The following ITIH5 variants were observed in gnomAD, a reference collection of about 807,000 sequenced individuals.
The protein encoded by ITIH5 is inter-alpha-trypsin inhibitor heavy chain 5.
A neutral mutation model predicts 77.5 loss-of-function variants in ITIH5; 65 were observed. That is an observed-to-expected ratio of 0.84 (90% CI 0.69 to 1.03). The LOEUF (loss-of-function observed/expected upper bound fraction) is 1.03, where lower values mean the gene tolerates loss of function less well. ITIH5 is among the 50% of genes least tolerant of loss of function. ITIH5 has a pLI of 0.00. For missense variants in ITIH5, 1,208 were observed against 1,213.1 expected (o/e 1.00, Z 0.06); for synonymous variants, 525 against 494.3 (o/e 1.06, Z -0.82).
chr10:7,638,713 G>A (rs79055948), intron 4 of ITIH5, among the ~76,000 whole-genome samples: 3,271 of 152,258 alleles, frequency 0.021, 125 homozygotes, highest in African/African-American at 0.075. Context: ...AGCCAACCCA[G>A]AAGAATACGA....
At position 7,566,130 on chromosome 10, in the gene ITIH5, G is replaced by T; in HGVS notation, c.2427C>A (p.Leu809=). ...TIQGSIAFVI[L]IHLYKKPAPF... The stretch of plus-strand genomic sequence containing the variant: ...GCGCCGGCTTTTTGTAGAGGTGGAT[G>T]AGGATGACAAAGGCTATGGAGCCCT... Residue 809 remains leucine, a synonymous_variant, in exon 13 of 14, where the codon CTC becomes CTA. Transcript: ENST00000397146. The T allele has an allele frequency of 6.2e-7, 1 of 1,614,148 alleles. No homozygotes were observed. The highest frequency in any genetic ancestry group is 2.2e-5 in the East Asian group (1 of 44,878).
At chr10:7,648,243 CAA>C (rs5782993) in intron 2 of ITIH5, among the ~76,000 whole-genome samples, 100 of 135,678 alleles carry the variant, frequency 7.4e-4, no homozygotes, top group Middle Eastern at 3.9e-3. Flanking sequence ...GACTCTGTCT[CAA>C]AAAAAAAAAA....
chr10:7,636,427 C>T (rs1833799208), intron 5 of ITIH5, among the ~76,000 whole-genome samples: 2 of 152,018 alleles, frequency 1.3e-5, no homozygotes, highest in African/African-American at 4.8e-5. Flanking sequence ...AATCTCATAC[C>T]CCTGATACAA....
At chr10:7,607,304 A>G (rs1021001151) in intron 7 of ITIH5, among the ~76,000 whole-genome samples, 4 of 152,216 alleles carry the variant, frequency 2.6e-5, no homozygotes, top group African/African-American at 9.7e-5. Flanking sequence ...CTCTTGTCAC[A>G]AGGAGGACAG....
At chr10:7,656,905 C>T (rs936608397) in intron 1 of ITIH5, among the ~76,000 whole-genome samples, 3 of 151,408 alleles carry the variant, frequency 2.0e-5, no homozygotes, top group Admixed American at 6.6e-5. Flanking sequence ...CACTACGCCC[C>T]GCTAATTTTT....
chr10:7,637,412 G>GA lies in ITIH5; in HGVS notation c.467dup (p.Leu157ProfsTer4), dbSNP rs755331937. On this transcript the variant is annotated frameshift_variant, in exon 5 of 14. Coordinates refer to ENST00000397146, the MANE Select transcript of ITIH5 (RefSeq NM_030569.7). LOFTEE classifies it high-confidence loss of function. Reference sequence around the variant, plus strand: ...TCTGCAGAAGCTCCTCATAACTCAGGAAAAAGGCGGCTTTGTCCTTGCTGG... The same window carrying GA: ...TCTGCAGAAGCTCCTCATAACTCAGGAAAAAAGGCGGCTTTGTCCTTGCTGG... 6 of 1,613,892 alleles carry GA rather than the reference G, an allele frequency of 3.7e-6. No homozygotes were observed. The highest frequency in any genetic ancestry group is 5.1e-6 in the Non-Finnish European group (6 of 1,179,824).
At position 7,624,853 on chromosome 10, in the gene ITIH5, ATG is replaced by A. The variant is rs557840656; in HGVS notation, c.653-7573_653-7572del. Among the ~76,000 whole-genome samples the A allele has an allele frequency of 4.7e-4, 51 of 107,740 alleles. 1 individual carries two copies. Among genetic ancestry groups the A allele is most frequent in the East Asian group, 2.8e-3 (9 of 3,260 alleles). 70.7% of individuals were successfully genotyped at this position (107,740 alleles called of 152,430 possible). On this transcript the variant is annotated intron_variant, in intron 5 of 13. Transcript: ENST00000397146. ...TATATACATGTATATACACATATATATGTGTATATATGTATATATGTATGTAT... is the reference window on the plus strand; with the variant it reads ...TATATACATGTATATACACATATATATGTATATATGTATATATGTATGTAT...
At chr10:7,599,604 A>T (rs4749057) in intron 7 of ITIH5, among the ~76,000 whole-genome samples, 143,279 of 152,212 alleles carry the variant, frequency 0.94, 67,898 homozygotes, top group Non-Finnish European at 1. Context: ...CTCTCCCTTA[A>T]GTTCTCACGA....
chr10:7,637,235 G>A lies in ITIH5; in HGVS notation c.645C>T (p.Arg215=). The A allele has an allele frequency of 1.2e-6, 2 of 1,607,172 alleles. No individual in the cohort carries two copies. Among genetic ancestry groups the A allele is most frequent in the Admixed American group, 1.7e-5 (1 of 59,970 alleles). The change falls in exon 5 of 14, where the codon CGC becomes CGT. Residue 215 remains arginine (R), a synonymous_variant. Transcript: ENST00000397146. ...CCAGCACGCAGGACTCACCTTCCCCGCGCCCACTGCCCCTCTGCCTGCTGT... is the reference window on the plus strand; with the variant it reads ...CCAGCACGCAGGACTCACCTTCCCCACGCCCACTGCCCCTCTGCCTGCTGT... ...LHNSRQRGSG[R]GEDDSGPPPS...
chr10:7,565,029 CAT>C (rs1399534527), intron 13 of ITIH5, among the ~76,000 whole-genome samples: 3 of 143,970 alleles, frequency 2.1e-5, no homozygotes, highest in African/African-American at 7.7e-5. Flanking sequence ...TATATACATA[CAT>C]AGACTGTATA....
chr10:7,628,974 TG>T (rs111698050), intron 5 of ITIH5, among the ~76,000 whole-genome samples: 9 of 132,670 alleles, frequency 6.8e-5, no homozygotes, highest in African/African-American at 2.4e-4. Context: ...TGTTGTAGCA[TG>T]TGTCCGTGTT....
At chr10:7,627,438 C>T (rs533272302) in intron 5 of ITIH5, among the ~76,000 whole-genome samples, 7 of 152,010 alleles carry the variant, frequency 4.6e-5, no homozygotes, top group Admixed American at 4.6e-4. Flanking sequence ...CTTGACCTTG[C>T]GGGATGTGTG....
At chr10:7,626,211 G>C (rs1252007368) in intron 5 of ITIH5, among the ~76,000 whole-genome samples, 1 of 152,132 alleles carries the variant, frequency 6.6e-6, no homozygotes, top group African/African-American at 2.4e-5. Context: ...AAGGCAGCAG[G>C]AAAAAGGAAG....
intron 5 of ITIH5, among the ~76,000 whole-genome samples, chr10:7,628,231 C>T (rs1309051998): frequency 1.3e-5 from 2 of 152,222 alleles, no homozygotes; most frequent in Non-Finnish European, 2.9e-5. Context: ...TCCAAAACAT[C>T]TTCATCACCC....
At chr10:7,633,949 C>T (rs1465573329) in intron 5 of ITIH5, among the ~76,000 whole-genome samples, 1 of 151,820 alleles carries the variant, frequency 6.6e-6, no homozygotes, top group Non-Finnish European at 1.5e-5. Context: ...ATTAGCCAGG[C>T]GTGGTGGTGG....
At chr10:7,589,531 C>G (rs1832750276) in intron 7 of ITIH5, among the ~76,000 whole-genome samples, 1 of 152,062 alleles carries the variant, frequency 6.6e-6, no homozygotes, top group South Asian at 2.1e-4. Flanking sequence ...TTTCATTAAA[C>G]CCACCTTCTC....
intron 11 of ITIH5, chr10:7,571,418 T>G (rs1832295353): frequency 6.6e-6 from 1 of 152,098 alleles, no homozygotes; most frequent in African/African-American, 2.4e-5. Flanking sequence ...TTATTCTTAT[T>G]TATTTATTTT....
At chr10:7,621,702 A>G (rs1031429884) in intron 5 of ITIH5, 1 of 152,064 alleles carries the variant, frequency 6.6e-6, no homozygotes, top group African/African-American at 2.4e-5. Flanking sequence ...GGGGGAAAAA[A>G]ATCTGTTAAG....
intron 5 of ITIH5, among the ~76,000 whole-genome samples, chr10:7,627,706 C>A (rs1017590982): frequency 1.3e-5 from 2 of 151,874 alleles, no homozygotes; most frequent in African/African-American, 2.4e-5. Context: ...AGAGAACAGC[C>A]AGAGAACACA....
Sources: gnomAD v4.1 joint callset for allele counts (sites outside exome capture counted in the v4.1 genomes callset) on GRCh38, gnomAD v4.1.1 for gene constraint, MANE v1.5 for transcripts, NCBI Gene and HGNC (gene_info 2026-07-23, HGNC 2026-07-21) for gene names.